Variants in ARHGAP24 observed in about 807,000 individuals in gnomAD.
ARHGAP24 encodes rho GTPase-activating protein 24.
ARHGAP24 carries 50 observed loss-of-function variants against 76.4 expected under a neutral mutation model. The observed-to-expected ratio is 0.65, with a 90% CI of 0.52 to 0.83. The LOEUF (loss-of-function observed/expected upper bound fraction) is 0.83. Among genes scored for constraint, ARHGAP24 ranks in the 40% least tolerant of loss-of-function variants. ARHGAP24 has a pLI of 0.00. For synonymous variants in ARHGAP24, 345 were observed against 323.3 expected, an observed-to-expected ratio of 1.07 and a Z score of -0.72; for missense variants, 930 against 914.2, an observed-to-expected ratio of 1.02 and a Z score of -0.22.
chr4:85,656,876 T>A (rs1183766308), intron 2 of ARHGAP24, among the ~76,000 whole-genome samples: 3 of 152,210 alleles, frequency 2.0e-5, no homozygotes, highest in Non-Finnish European at 2.9e-5. Flanking sequence ...CTGTAGTGGC[T>A]TTACTAACAG....
At chr4:85,797,144 G>GA (rs945759060) in intron 3 of ARHGAP24, among the ~76,000 whole-genome samples, 4 of 137,236 alleles carry the variant, frequency 2.9e-5, no homozygotes, top group Non-Finnish European at 4.8e-5. Flanking sequence ...GCTGGGAAAG[G>GA]AAAAAAAATT....
chr4:85,593,850 C>A (rs1243995337), intron 2 of ARHGAP24, among the ~76,000 whole-genome samples: 2 of 152,118 alleles, frequency 1.3e-5, no homozygotes, highest in South Asian at 2.1e-4. Context: ...CTCTTAGTTA[C>A]AATAGCTTTG....
chr4:85,658,167 G>A (rs557484169), intron 2 of ARHGAP24, among the ~76,000 whole-genome samples: 259 of 152,234 alleles, frequency 1.7e-3, no homozygotes, highest in Non-Finnish European at 2.9e-3. Flanking sequence ...CTCCATTAAT[G>A]TTGAATAAAG....
At position 85,679,007 on chromosome 4, in the gene ARHGAP24, G is replaced by A. The variant is rs74862917; in HGVS notation, c.181-42878G>A. ...AAGATATTCAAATTTATTGACAGGC[G>A]CAGGAGTCACGCAAAATATAAGAAC... On this transcript the variant is annotated intron_variant, in intron 2 of 9. Transcript: ENST00000395184. Among the ~76,000 whole-genome samples the A allele has an allele frequency of 5.9e-3, 894 of 152,250 alleles. 10 individuals are homozygous for A. Among genetic ancestry groups the A allele is most frequent in the African/African-American group, 0.021 (862 of 41,532 alleles).
At chr4:85,563,251 C>A (rs1726670613) in intron 1 of ARHGAP24, among the ~76,000 whole-genome samples, 1 of 152,164 alleles carries the variant, frequency 6.6e-6, no homozygotes, top group Non-Finnish European at 1.5e-5. Flanking sequence ...TGGCAGGTAT[C>A]TTATTCTTCT....
In ARHGAP24 at chr4:85,728,428, G is replaced by A. The variant is rs369073637; in HGVS notation, c.268+6456G>A. 3.9e-5 allele frequency among the ~76,000 whole-genome samples: 6 copies of A among 152,014 alleles called. No individual in the cohort carries two copies. The East Asian group carries it at 7.7e-4, about 20-fold the overall frequency. On this transcript the variant is annotated intron_variant, in intron 3 of 9. Coordinates refer to ENST00000395184, the MANE Select transcript of ARHGAP24 (RefSeq NM_001025616.3). ...TCTCTATTTTAGCTAATCTGTCTAT[G>A]TTCCTATGCATTTATCTATTTTATC...
intron 5 of ARHGAP24, among the ~76,000 whole-genome samples, chr4:85,961,119 A>T (rs999560632): frequency 5.3e-5 from 8 of 152,020 alleles, no homozygotes; most frequent in Non-Finnish European, 8.8e-5. Flanking sequence ...GTGACAAAGG[A>T]TCCCTTCTAG....
chr4:85,786,790 G>A (rs572925099), intron 3 of ARHGAP24, among the ~76,000 whole-genome samples: 16 of 152,280 alleles, frequency 1.1e-4, no homozygotes, highest in African/African-American at 3.8e-4. Flanking sequence ...GCTGGCTTCA[G>A]CATTTCTGTA....
intron 2 of ARHGAP24, among the ~76,000 whole-genome samples, chr4:85,614,639 G>T (rs1448992526): frequency 1.3e-5 from 2 of 151,924 alleles, no homozygotes; most frequent in Non-Finnish European, 2.9e-5. Context: ...CATTGATTAG[G>T]CTGGATTTAA....
intron 2 of ARHGAP24, among the ~76,000 whole-genome samples, chr4:85,658,308 C>A (rs181896808): frequency 6.6e-6 from 1 of 152,068 alleles, no homozygotes; most frequent in Admixed American, 6.6e-5. Context: ...GAATATGTAG[C>A]GGATCATTTT....
chr4:85,750,335 G>A (rs1726209191), intron 3 of ARHGAP24, among the ~76,000 whole-genome samples: 1 of 151,760 alleles, frequency 6.6e-6, no homozygotes, highest in Non-Finnish European at 1.5e-5. Flanking sequence ...CAGGACAAGG[G>A]GCTCCAGCAG....
At chr4:85,872,783 T>C (rs972331180) in intron 3 of ARHGAP24, among the ~76,000 whole-genome samples, 9 of 150,800 alleles carry the variant, frequency 6.0e-5, no homozygotes, top group African/African-American at 2.2e-4. Flanking sequence ...TTTTTTTTTG[T>C]AGAGATGGGG....
chr4:85,837,418 T>G lies in ARHGAP24; in HGVS notation c.269-86230T>G, dbSNP rs187350154. Among the ~76,000 whole-genome samples, 142 of 152,292 alleles carry G rather than the reference T, an allele frequency of 9.3e-4. 2 individuals carry two copies. Among genetic ancestry groups the G allele is most frequent in the Middle Eastern group, 6.8e-3 (2 of 294 alleles). The stretch of plus-strand genomic sequence containing the variant: ...TGTCGTGAACTCTTGCTTCACTGAC[T>G]TCTGCCTCTCCTGCCCCAAGGTCTT... On this transcript the variant is annotated intron_variant, in intron 3 of 9. Coordinates refer to ENST00000395184, the MANE Select transcript of ARHGAP24 (RefSeq NM_001025616.3).
At chr4:85,476,264 T>C (rs1026326671) in intron 1 of ARHGAP24, among the ~76,000 whole-genome samples, 1 of 151,990 alleles carries the variant, frequency 6.6e-6, no homozygotes, top group African/African-American at 2.4e-5. Context: ...CGTACCCAAA[T>C]AGAAGGGAGA....
chr4:85,856,341 G>T (rs770843016), intron 3 of ARHGAP24, among the ~76,000 whole-genome samples: 2 of 151,946 alleles, frequency 1.3e-5, no homozygotes, highest in Non-Finnish European at 2.9e-5. Context: ...GATCTGAAAG[G>T]ACATACACTA....
chr4:85,590,192 GCCTTCCTTCCTTCCTTCCTTCCTTCCTT>G lies in ARHGAP24; in HGVS notation c.180+19495_180+19522del, dbSNP rs563217345. Among the ~76,000 whole-genome samples, 205 of 111,312 alleles carry G rather than the reference GCCTTCCTTCCTTCCTTCCTTCCTTCCTT, an allele frequency of 1.8e-3. 1 individual carries two copies. Among genetic ancestry groups the G allele is most frequent in the African/African-American group, 6.6e-3 (193 of 29,302 alleles). The allele number at this position is 111,312 out of a possible 152,430, so 73.0% of individuals were successfully genotyped here. ...TGCCTGCCTGCCTGCCTGCCTGCCT[GCCTTCCTTCCTTCCTTCCTTCCTTCCTT>G]CCTTCCTTCCTTCCTTCCTTCCTCC... On this transcript the variant is annotated intron_variant, in intron 2 of 9. Coordinates refer to ENST00000395184, the MANE Select transcript of ARHGAP24 (RefSeq NM_001025616.3).
At chr4:85,873,959 A>G (rs979211602) in intron 3 of ARHGAP24, among the ~76,000 whole-genome samples, 2 of 152,232 alleles carry the variant, frequency 1.3e-5, no homozygotes, top group Non-Finnish European at 2.9e-5. Context: ...ATAGAAAAAC[A>G]TAATTTTTAA....
intron 3 of ARHGAP24, among the ~76,000 whole-genome samples, chr4:85,802,165 T>C (rs1395637862): frequency 6.6e-6 from 1 of 152,174 alleles, no homozygotes; most frequent in Non-Finnish European, 1.5e-5. Context: ...GGCTTCTTGA[T>C]TTCCCAATAT....
chr4:85,850,897 A>G (rs1416653922), intron 3 of ARHGAP24, among the ~76,000 whole-genome samples: 1 of 152,128 alleles, frequency 6.6e-6, no homozygotes, highest in South Asian at 2.1e-4. Context: ...AAGAAGTGCA[A>G]TGTGATGCTG....
Sources: gnomAD v4.1 joint callset for allele counts (sites outside exome capture counted in the v4.1 genomes callset) on GRCh38, gnomAD v4.1.1 for gene constraint, MANE v1.5 for transcripts, NCBI Gene and HGNC (gene_info 2026-07-23, HGNC 2026-07-21) for gene names.